Variants in LAMC1 observed in about 807,000 individuals in gnomAD.
LAMC1 encodes laminin subunit gamma 1.
In LAMC1, 38 loss-of-function variants were observed where a neutral mutation model predicts 173.6. The ratio of observed to expected loss-of-function variants is 0.22; its 90% CI spans 0.17 to 0.29. The LOEUF (loss-of-function observed/expected upper bound fraction) is 0.29. Ranked by LOEUF, LAMC1 falls within the 10% of genes least tolerant of loss-of-function variation. LAMC1 has a pLI of 1.00. For synonymous variants in LAMC1, 746 were observed against 749.1 expected, an observed-to-expected ratio of 1.00 and a Z score of 0.07; for missense variants, 1,824 against 2,051.8, an observed-to-expected ratio of 0.89 and a Z score of 2.14.
At chr1:183,030,826 G>T (rs1653830998) in intron 1 of LAMC1, among the ~76,000 whole-genome samples, 1 of 151,910 alleles carries the variant, frequency 6.6e-6, no homozygotes, top group Admixed American at 6.6e-5. Context: ...TTTAAAAATG[G>T]ACATAAGCAA....
chr1:183,031,930 T>G (rs1291036955), intron 1 of LAMC1, among the ~76,000 whole-genome samples: 2 of 149,418 alleles, frequency 1.3e-5, no homozygotes, highest in Non-Finnish European at 3.0e-5. Flanking sequence ...AAAAAAAAGA[T>G]TAAAGAAAAA....
chr1:183,108,368 C>T lies in LAMC1; in HGVS notation c.816C>T (p.Ser272=), dbSNP rs1213646116. The T allele has an allele frequency of 3.7e-6, 6 of 1,613,288 alleles. No individual in the cohort carries two copies. The African/African-American group carries it at 8.0e-5, about 22-fold the overall frequency. Residue 272 remains serine (S), a synonymous_variant, in exon 3 of 28, where the codon TCC becomes TCT. Transcript: ENST00000258341. Reference sequence around the variant, plus strand: ...TTAACGATCCCAAAGTTCTCAAGTCCTATTATTATGCCATCTCTGATTTTG... The same window carrying T: ...TTAACGATCCCAAAGTTCTCAAGTCTTATTATTATGCCATCTCTGATTTTG... The part of the protein sequence containing the change: ...EVFNDPKVLK[S]YYYAISDFAV...
chr1:183,128,044 C>T (rs964730651), intron 17 of LAMC1, among the ~76,000 whole-genome samples: 2 of 151,994 alleles, frequency 1.3e-5, no homozygotes, highest in African/African-American at 4.8e-5. Flanking sequence ...TGTTTGGGGA[C>T]AGGATAGGAA....
At position 183,143,119 on chromosome 1, in the gene LAMC1, G is replaced by A. The variant is rs1657162413; in HGVS notation, c.*329G>A. On this transcript the variant is annotated 3_prime_UTR_variant, in exon 28 of 28. Transcript: ENST00000258341. ...ATCGTGTGAGCCCATGTATGCTGGGGTAGAGCAAGTAGCCCTCCCCTGTCT... is the reference window on the plus strand; with the variant it reads ...ATCGTGTGAGCCCATGTATGCTGGGATAGAGCAAGTAGCCCTCCCCTGTCT... 1 of 214,828 alleles carries A rather than the reference G, an allele frequency of 4.7e-6. No homozygotes were observed. Among genetic ancestry groups the A allele is most frequent in the Admixed American group, 5.2e-5 (1 of 19,236 alleles). 13.3% of individuals were successfully genotyped at this position (214,828 alleles called of 1,614,324 possible).
chr1:183,098,141 T>A (rs1419213695), intron 1 of LAMC1, among the ~76,000 whole-genome samples: 1 of 152,216 alleles, frequency 6.6e-6, no homozygotes, highest in Non-Finnish European at 1.5e-5. Flanking sequence ...TTAGAAGACC[T>A]GGTCCAGTTT....
chr1:183,069,513 C>T (rs554437677), intron 1 of LAMC1, among the ~76,000 whole-genome samples: 1 of 152,304 alleles, frequency 6.6e-6, no homozygotes, highest in East Asian at 1.9e-4. Context: ...ACTATTTATT[C>T]TGTTGTTTCA....
rs764978385 is a variant in LAMC1, at chr1:183,131,814, AAGT to A, written c.3566+440_3566+442del. On this transcript the variant is annotated intron_variant, in intron 20 of 27. Coordinates refer to ENST00000258341, the MANE Select transcript of LAMC1 (RefSeq NM_002293.4). ...ATTACTCTCAAATAATTAAATTTAA[AAGT>A]AGTTTTTCTGAAGAATTATAAACAT... Among the ~76,000 whole-genome samples, 12 of 152,332 alleles carry A rather than the reference AAGT, an allele frequency of 7.9e-5. No homozygotes were observed. The East Asian group carries it at 1.9e-3, about 24-fold the overall frequency.
intron 3 of LAMC1, among the ~76,000 whole-genome samples, chr1:183,109,908 G>C (rs1656095754): frequency 6.6e-6 from 1 of 152,146 alleles, no homozygotes. Context: ...ATCCATATGG[G>C]GGTGAGGTAT....
At chr1:183,068,689 C>T (rs927209236) in intron 1 of LAMC1, among the ~76,000 whole-genome samples, 1 of 152,046 alleles carries the variant, frequency 6.6e-6, no homozygotes. Flanking sequence ...TGCCTGTAAT[C>T]CCAGCACTTT....
intron 18 of LAMC1, among the ~76,000 whole-genome samples, 190 bp from the exon 19 acceptor site, chr1:183,130,154 G>A (rs1188151551): frequency 6.6e-6 from 1 of 152,212 alleles, no homozygotes; most frequent in Non-Finnish European, 1.5e-5. Flanking sequence ...GGTTGGAGGT[G>A]TGATGAGTGC....
In LAMC1 at chr1:183,130,581, G is replaced by C. The variant is rs6691658; in HGVS notation, c.3486+32G>C. ...GATTGCAAACGTCTGAGGTGGGGAT[G>C]GGGGAGGCCCCTGGGGTTTGTAGCA... On this transcript the variant is annotated intron_variant, in intron 19 of 27. Coordinates refer to ENST00000258341, the MANE Select transcript of LAMC1 (RefSeq NM_002293.4). The C allele has an allele frequency of 2.4e-4, 372 of 1,578,740 alleles. No homozygotes were observed. The African/African-American group carries it at 3.2e-3, about 14-fold the overall frequency.
chr1:183,128,037 T>C (rs911953552), intron 17 of LAMC1, among the ~76,000 whole-genome samples: 1 of 152,172 alleles, frequency 6.6e-6, no homozygotes, highest in African/African-American at 2.4e-5. Flanking sequence ...ATATGCGTGT[T>C]TGGGGACAGG....
chr1:183,070,478 T>C (rs576746690), intron 1 of LAMC1, among the ~76,000 whole-genome samples: 1 of 152,228 alleles, frequency 6.6e-6, no homozygotes, highest in South Asian at 2.1e-4. Flanking sequence ...GTTTTGTGGG[T>C]GATGGTAATG....
At chr1:183,031,478 A>G (rs951036333) in intron 1 of LAMC1, among the ~76,000 whole-genome samples, 4 of 151,798 alleles carry the variant, frequency 2.6e-5, no homozygotes, top group African/African-American at 9.7e-5. Flanking sequence ...CTAATTTTGT[A>G]TTTTTAGTAG....
At chr1:183,064,160 C>T (rs765557823) in intron 1 of LAMC1, among the ~76,000 whole-genome samples, 2 of 152,108 alleles carry the variant, frequency 1.3e-5, no homozygotes, top group African/African-American at 4.8e-5. Context: ...TGGTACAGGG[C>T]AGTAATGATG....
chr1:183,056,113 T>C (rs1450679884), intron 1 of LAMC1, among the ~76,000 whole-genome samples: 1 of 152,202 alleles, frequency 6.6e-6, no homozygotes, highest in Non-Finnish European at 1.5e-5. Context: ...GAAAGGGCAG[T>C]GTGGTGCAGT....
chr1:183,129,659 A>G (rs1385114278), intron 18 of LAMC1, among the ~76,000 whole-genome samples: 1 of 151,840 alleles, frequency 6.6e-6, no homozygotes, highest in Non-Finnish European at 1.5e-5. Context: ...TGGTTTTTAT[A>G]TATTAATAAA....
chr1:183,103,186 G>A, intron 1 of LAMC1, 142 bp from the exon 2 acceptor site: 2 of 852,588 alleles, frequency 2.3e-6, no homozygotes, highest in Non-Finnish European at 3.7e-6. Flanking sequence ...GTAGTTTTCT[G>A]TTTTAGAATA....
At chr1:183,066,954 T>TA (rs1654889777) in intron 1 of LAMC1, among the ~76,000 whole-genome samples, 1 of 152,142 alleles carries the variant, frequency 6.6e-6, no homozygotes, top group South Asian at 2.1e-4. Context: ...TCTGAGAACT[T>TA]AAAGTATAAT....
Sources: gnomAD v4.1 joint callset for allele counts (sites outside exome capture counted in the v4.1 genomes callset) on GRCh38, gnomAD v4.1.1 for gene constraint, MANE v1.5 for transcripts, NCBI Gene and HGNC (gene_info 2026-07-23, HGNC 2026-07-21) for gene names.